Variants in FAM47E observed in about 807,000 individuals in gnomAD.
The protein encoded by FAM47E is family with sequence similarity 47 member E.
FAM47E carries 32 observed loss-of-function variants against 41.6 expected under a neutral mutation model. The ratio of observed to expected loss-of-function variants is 0.77; its 90% CI spans 0.58 to 1.03. The LOEUF (loss-of-function observed/expected upper bound fraction) is 1.03. FAM47E is among the 50% of genes least tolerant of loss of function. The pLI is 0.00. For missense variants in FAM47E, 424 were observed against 485.4 expected, an observed-to-expected ratio of 0.87 and a Z score of 1.19; for synonymous variants, 184 against 188.7, an observed-to-expected ratio of 0.98 and a Z score of 0.20.
intron 2 of FAM47E, among the ~76,000 whole-genome samples, chr4:76,222,469 C>T (rs375793198): frequency 1.3e-5 from 2 of 152,212 alleles, no homozygotes; most frequent in African/African-American, 4.8e-5. Flanking sequence ...TTCAGGTGAT[C>T]CACCTGCCTC....
At chr4:76,228,403 C>T (rs189726171) in intron 2 of FAM47E, among the ~76,000 whole-genome samples, 20 of 151,570 alleles carry the variant, frequency 1.3e-4, no homozygotes, top group African/African-American at 3.9e-4. Context: ...CACTTGAACC[C>T]GGAAGGTGAA....
At chr4:76,282,934 CTATA>C (rs1216455996) in intron 7 of FAM47E, 1 of 155,284 alleles carries the variant, frequency 6.4e-6, no homozygotes, top group African/African-American at 2.4e-5. Flanking sequence ...TTACTTAAAT[CTATA>C]TGTGAACATT....
chr4:76,278,419 T>G, intron 6 of FAM47E, 195 bp downstream of exon 6: 1 of 526,302 alleles, frequency 1.9e-6, no homozygotes, highest in Admixed American at 4.0e-5. Flanking sequence ...TGGAATCTCC[T>G]GGCTTTGTGG....
In FAM47E at chr4:76,256,160, A is replaced by G. The variant is rs1240769114; in HGVS notation, c.75-18A>G. 49 of 1,545,264 alleles carry G rather than the reference A, an allele frequency of 3.2e-5. No individual in the cohort carries two copies. The highest frequency in any genetic ancestry group is 4.1e-5 in the Non-Finnish European group (47 of 1,142,678). The stretch of plus-strand genomic sequence containing the variant: ...CATGTGGTATTCTAGGTACAAAGAG[A>G]ATCTATCTACCTTCCAGATGTTTCA... On this transcript the variant is annotated intron_variant, in intron 1 of 7. Transcript: ENST00000424749.
intron 1 of FAM47E, among the ~76,000 whole-genome samples, chr4:76,255,550 T>C (rs1734151818): frequency 6.6e-6 from 1 of 152,162 alleles, no homozygotes; most frequent in South Asian, 2.1e-4. Context: ...AGAGGTTACA[T>C]GAAGAGCCAA....
chr4:76,260,519 G>A (rs1734363251), intron 2 of FAM47E, among the ~76,000 whole-genome samples: 1 of 152,044 alleles, frequency 6.6e-6, no homozygotes, highest in Non-Finnish European at 1.5e-5. Context: ...GTATGCAGAA[G>A]AGTGAAACTG....
intron 3 of FAM47E, chr4:76,267,729 A>G (rs1450496253): frequency 6.6e-6 from 1 of 152,262 alleles, no homozygotes; most frequent in Non-Finnish European, 1.5e-5. Flanking sequence ...CTACTAATAC[A>G]TGCTACAACA....
intron 6 of FAM47E, 118 bp downstream of exon 6, chr4:76,278,342 C>G: frequency 8.9e-7 from 1 of 1,123,750 alleles, no homozygotes; most frequent in South Asian, 2.9e-5. Flanking sequence ...AGCCCTCCAC[C>G]TTGCATATTG....
At chr4:76,266,553 G>A (rs1278041594) in intron 3 of FAM47E, among the ~76,000 whole-genome samples, 1 of 152,136 alleles carries the variant, frequency 6.6e-6, no homozygotes, top group Non-Finnish European at 1.5e-5. Context: ...CCTCTTGCCT[G>A]GATTGTTGCA....
intron 2 of FAM47E, among the ~76,000 whole-genome samples, chr4:76,238,074 G>A (rs1407699081): frequency 6.6e-6 from 1 of 152,206 alleles, no homozygotes; most frequent in Admixed American, 6.5e-5. Context: ...AGGTGAGCAG[G>A]CCAGACCCGG....
chr4:76,229,860 G>C lies in FAM47E; in HGVS notation c.81+12172G>C, dbSNP rs1398186240. 4.6e-5 allele frequency among the ~76,000 whole-genome samples: 7 copies of C among 152,296 alleles called. No individual in the cohort carries two copies. In the East Asian group the frequency reaches 1.3e-3, roughly 29 times the overall value. ...TTATGTGGACAGACCCAGGCCATCTGGTTAGCCATGATGTTGCAGGCAGTG... is the reference window on the plus strand; with the variant it reads ...TTATGTGGACAGACCCAGGCCATCTCGTTAGCCATGATGTTGCAGGCAGTG... On this transcript the variant is annotated intron_variant, in intron 2 of 7. Coordinates refer to the FAM47E transcript ENST00000510197.
intron 2 of FAM47E, among the ~76,000 whole-genome samples, chr4:76,235,819 G>A (rs1733577612): frequency 6.6e-6 from 1 of 152,158 alleles, no homozygotes; most frequent in Non-Finnish European, 1.5e-5. Flanking sequence ...TACATGCTAG[G>A]CATGTTCTAA....
chr4:76,252,419 G>A (rs1326740229), intron 1 of FAM47E, among the ~76,000 whole-genome samples: 2 of 152,182 alleles, frequency 1.3e-5, no homozygotes, highest in Non-Finnish European at 2.9e-5. Flanking sequence ...CTTGGAGACA[G>A]CACGATGTGG....
Position 76,256,397 on chromosome 4 carries a change from A to G in FAM47E, c.294A>G (p.Ala98=). The G allele has an allele frequency of 6.4e-7, 1 of 1,552,216 alleles. No individual in the cohort carries two copies. Among genetic ancestry groups the G allele is most frequent in the Non-Finnish European group, 8.7e-7 (1 of 1,147,342 alleles). ...KKRQIKLLKE[A]DVLSKLSPAQ... ...GGCAGATCAAGCTGCTCAAGGAAGC[A>G]GACGTGCTTTCCAAGCTCTCGCCAG... Residue 98 remains alanine (A), a synonymous_variant, in exon 2 of 8, where the codon GCA becomes GCG. Transcript: ENST00000424749.
intron 2 of FAM47E, among the ~76,000 whole-genome samples, chr4:76,219,106 T>A (rs919866618): frequency 1.1e-4 from 17 of 152,302 alleles, no homozygotes; most frequent in Middle Eastern, 6.8e-3. Context: ...TTGGGACTTC[T>A]GGCCTCATGC....
chr4:76,219,204 G>A (rs1021153933), intron 2 of FAM47E, among the ~76,000 whole-genome samples: 1 of 152,218 alleles, frequency 6.6e-6, no homozygotes, highest in African/African-American at 2.4e-5. Context: ...GGTGACCTGG[G>A]CATCCAGGAG....
intron 5 of FAM47E, among the ~76,000 whole-genome samples, 159 bp from the exon 6 acceptor site, chr4:76,277,910 T>C (rs1553957412): frequency 6.6e-6 from 1 of 152,248 alleles, no homozygotes; most frequent in Admixed American, 6.5e-5. Flanking sequence ...ATGTTTACTT[T>C]GTAAAATCAA....
At chr4:76,236,908 T>C (rs1255087449) in intron 2 of FAM47E, among the ~76,000 whole-genome samples, 2 of 150,698 alleles carry the variant, frequency 1.3e-5, no homozygotes, top group African/African-American at 2.4e-5. Flanking sequence ...TTTTTTTTTT[T>C]TTTTTGAGAT....
chr4:76,240,366 T>C (rs571530744), intron 2 of FAM47E, among the ~76,000 whole-genome samples: 1 of 152,344 alleles, frequency 6.6e-6, no homozygotes, highest in East Asian at 1.9e-4. Flanking sequence ...GTAATACTTT[T>C]GGTGTGTCTT....
Sources: gnomAD v4.1 joint callset for allele counts (sites outside exome capture counted in the v4.1 genomes callset) on GRCh38, gnomAD v4.1.1 for gene constraint, MANE v1.5 for transcripts, NCBI Gene and HGNC (gene_info 2026-07-23, HGNC 2026-07-21) for gene names.